Variants in ULK2 observed in about 807,000 individuals in gnomAD.
The protein encoded by ULK2 is serine/threonine-protein kinase ULK2.
Under a neutral mutation model 127.5 loss-of-function variants are expected in ULK2, and 76 were observed. That is an observed-to-expected ratio of 0.60 (90% CI 0.50 to 0.72). ULK2 has a LOEUF of 0.72. Ranked by LOEUF, ULK2 falls within the 30% of genes least tolerant of loss-of-function variation. The probability of loss-of-function intolerance (pLI) is 0.00; values close to 1 mark genes in which losing one functional copy is unlikely to be tolerated. For synonymous variants in ULK2, 452 were observed against 461.9 expected (o/e 0.98, Z 0.28); for missense variants, 1,144 against 1,295.9 (o/e 0.88, Z 1.80).
chr17:19,841,241 C>T (rs934846840), intron 9 of ULK2, among the ~76,000 whole-genome samples: 2 of 152,114 alleles, frequency 1.3e-5, no homozygotes, highest in Non-Finnish European at 2.9e-5. Context: ...CATTACCCTC[C>T]CCACAAGGAA....
intron 20 of ULK2, among the ~76,000 whole-genome samples, chr17:19,793,686 TGATACCTACAGCTACAGC>T (rs778948465): frequency 2.6e-5 from 4 of 152,190 alleles, no homozygotes; most frequent in Non-Finnish European, 5.9e-5. Flanking sequence ...TTTTAGCCTC[TGATACCTACAGCTACAGC>T]AAACACTAAA....
chr17:19,859,923 A>G (rs905866969), intron 3 of ULK2, among the ~76,000 whole-genome samples: 1 of 152,214 alleles, frequency 6.6e-6, no homozygotes, highest in African/African-American at 2.4e-5. Context: ...GCAATCCTCC[A>G]GCTTCAGCTT....
intron 1 of ULK2, among the ~76,000 whole-genome samples, chr17:19,866,814 G>C (rs560993951): frequency 6.6e-6 from 1 of 152,304 alleles, no homozygotes; most frequent in South Asian, 2.1e-4. Context: ...GACTCCGGGG[G>C]GGAAAACGGT....
At chr17:19,833,271 G>A (rs2041508974) in intron 10 of ULK2, among the ~76,000 whole-genome samples, 1 of 152,140 alleles carries the variant, frequency 6.6e-6, no homozygotes, top group African/African-American at 2.4e-5. Flanking sequence ...AAGAAGTATG[G>A]CCCATACACA....
chr17:19,852,502 G>C (rs1205134193), intron 3 of ULK2, among the ~76,000 whole-genome samples: 1 of 131,770 alleles, frequency 7.6e-6, no homozygotes. Flanking sequence ...CTGGGTGACA[G>C]AGCGAGACTC....
At chr17:19,787,006 T>TTC (rs1361086719) in intron 20 of ULK2, among the ~76,000 whole-genome samples, 1 of 151,284 alleles carries the variant, frequency 6.6e-6, no homozygotes, top group Non-Finnish European at 1.5e-5. Flanking sequence ...TTATTTACTT[T>TTC]TTTTTTTTTT....
chr17:19,807,591 G>C (rs1228097252), intron 14 of ULK2, among the ~76,000 whole-genome samples: 1 of 152,000 alleles, frequency 6.6e-6, no homozygotes, highest in African/African-American at 2.4e-5. Flanking sequence ...ATATTCACTG[G>C]TAAAGGAAAG....
chr17:19,840,742 A>G (rs1217359997), intron 9 of ULK2, among the ~76,000 whole-genome samples: 1 of 151,002 alleles, frequency 6.6e-6, no homozygotes, highest in African/African-American at 2.4e-5. Context: ...TACAAAAATT[A>G]GAGGGGCGTG....
intron 3 of ULK2, among the ~76,000 whole-genome samples, chr17:19,854,824 G>C (rs2042089621): frequency 6.6e-6 from 1 of 152,062 alleles, no homozygotes; most frequent in South Asian, 2.1e-4. Flanking sequence ...ACACGGCGGG[G>C]GCATGGTGGC....
intron 15 of ULK2, among the ~76,000 whole-genome samples, chr17:19,803,459 C>G (rs533703143): frequency 6.6e-6 from 1 of 152,250 alleles, no homozygotes; most frequent in Admixed American, 6.5e-5. Context: ...GCATTTTGTA[C>G]TATCAGTGCA....
chr17:19,779,946 G>T (rs2086885241), intron 25 of ULK2, among the ~76,000 whole-genome samples: 1 of 152,104 alleles, frequency 6.6e-6, no homozygotes, highest in Admixed American at 6.6e-5. Flanking sequence ...GGCTAAGGAG[G>T]GTGGAACACC....
intron 1 of ULK2, among the ~76,000 whole-genome samples, chr17:19,867,008 G>T (rs1047944807): frequency 3.9e-5 from 6 of 152,170 alleles, no homozygotes; most frequent in Admixed American, 3.3e-4. Context: ...CAACCCTCGA[G>T]TCTGCACGGT....
At chr17:19,808,142 G>T (rs997336637) in intron 14 of ULK2, among the ~76,000 whole-genome samples, 2 of 152,104 alleles carry the variant, frequency 1.3e-5, no homozygotes, top group Non-Finnish European at 2.9e-5. Flanking sequence ...ACAGTGAAAT[G>T]ATCTCAGACA....
chr17:19,866,972 A>G (rs899163404), intron 1 of ULK2, among the ~76,000 whole-genome samples: 4 of 152,004 alleles, frequency 2.6e-5, no homozygotes, highest in Non-Finnish European at 4.4e-5. Context: ...GGGCACGGGG[A>G]AAAAAACCAA....
chr17:19,840,426 T>C, intron 9 of ULK2: 1 of 486,828 alleles, frequency 2.1e-6, no homozygotes, highest in South Asian at 1.6e-5. Flanking sequence ...CCTCTTCTTC[T>C]GGTATTGTGT....
intron 9 of ULK2, among the ~76,000 whole-genome samples, chr17:19,839,725 T>C (rs281356): frequency 0.11 from 15,927 of 150,086 alleles, 1,555 homozygotes; most frequent in East Asian, 0.39. Context: ...AGGAGCCAAA[T>C]TCACTAATAA....
Position 19,772,135 on chromosome 17 carries a change from G to A in ULK2, c.*4214C>T, listed in dbSNP as rs1467446390. On this transcript the variant is annotated 3_prime_UTR_variant, in exon 27 of 27. Coordinates refer to ENST00000395544, the MANE Select transcript of ULK2 (RefSeq NM_014683.4). ...CCTCTGCTGGGCCACTCTGTGAGAGGTCACGCTGGCAGCAAGATCTCAGCC... is the reference window on the plus strand; with the variant it reads ...CCTCTGCTGGGCCACTCTGTGAGAGATCACGCTGGCAGCAAGATCTCAGCC... 1 of 152,368 alleles carries A rather than the reference G, an allele frequency of 6.6e-6. No individual in the cohort carries two copies. The highest frequency in any genetic ancestry group is 1.5e-5 in the Non-Finnish European group (1 of 68,130). The allele number at this position is 152,368 out of a possible 1,614,324, so 9.4% of individuals were successfully genotyped here.
intron 12 of ULK2, among the ~76,000 whole-genome samples, chr17:19,821,431 G>C (rs924992606): frequency 6.6e-6 from 1 of 151,914 alleles, no homozygotes; most frequent in African/African-American, 2.4e-5. Flanking sequence ...TTTGTTTTGG[G>C]GGGGGCCTAG....
At chr17:19,785,768 C>T (rs892509262) in intron 21 of ULK2, among the ~76,000 whole-genome samples, 169 bp downstream of exon 21, 4 of 152,130 alleles carry the variant, frequency 2.6e-5, no homozygotes, top group African/African-American at 9.7e-5. Flanking sequence ...GCCTCATTTA[C>T]TTCTTATAAC....
Sources: allele counts gnomAD v4.1 joint callset (sites outside exome capture counted in the v4.1 genomes callset), GRCh38; gene constraint gnomAD v4.1.1; transcripts MANE v1.5; gene names NCBI Gene and HGNC (gene_info 2026-07-23, HGNC 2026-07-21).